ATP8A1: variants seen among roughly 807,000 people sequenced by gnomAD.
ATP8A1 encodes ATPase phospholipid transporting 8A1.
Under a neutral mutation model 177.7 loss-of-function variants are expected in ATP8A1, and 90 were observed. The ratio of observed to expected loss-of-function variants is 0.51; its 90% CI spans 0.43 to 0.60. The LOEUF (loss-of-function observed/expected upper bound fraction) is 0.60. Among genes scored for constraint, ATP8A1 ranks in the 20% least tolerant of loss-of-function variants. The pLI is 0.00. For missense variants in ATP8A1, 1,072 were observed against 1,392.8 expected, an observed-to-expected ratio of 0.77 and a Z score of 3.67; for synonymous variants, 493 against 485.9, an observed-to-expected ratio of 1.01 and a Z score of -0.19.
intron 19 of ATP8A1, among the ~76,000 whole-genome samples, chr4:42,546,581 TAAA>T (rs71200293): frequency 0.012 from 1,713 of 139,256 alleles, 34 homozygotes; most frequent in African/African-American, 0.041. Context: ...TAAAGTATAA[TAAA>T]AAAAAAAAAA....
intron 24 of ATP8A1, among the ~76,000 whole-genome samples, chr4:42,491,172 T>C (rs1221006671): frequency 6.6e-6 from 1 of 152,132 alleles, no homozygotes; most frequent in Non-Finnish European, 1.5e-5. Context: ...ATATTTTAAA[T>C]TGTCTAGTGA....
At chr4:42,437,475 G>C (rs1436425250) in intron 33 of ATP8A1, among the ~76,000 whole-genome samples, 2 of 152,182 alleles carry the variant, frequency 1.3e-5, no homozygotes, top group African/African-American at 2.4e-5. Flanking sequence ...ATATTTGTGA[G>C]AGGAGAGGAA....
intron 5 of ATP8A1, among the ~76,000 whole-genome samples, chr4:42,606,511 GC>G (rs33923852): frequency 0.22 from 34,070 of 152,054 alleles, 4,300 homozygotes; most frequent in Non-Finnish European, 0.29. Flanking sequence ...GAGTAGAGAA[GC>G]TAGTCTTGGG....
chr4:42,609,925 C>T lies in ATP8A1; in HGVS notation c.409+6108G>A, dbSNP rs1195819362. Among the ~76,000 whole-genome samples, 5 of 152,118 alleles carry T rather than the reference C, an allele frequency of 3.3e-5. No homozygotes were observed. The South Asian group carries it at 8.3e-4, about 25-fold the overall frequency. ...AATGACCCTAACTTGCCTCCCTGTCCCTGTCCCTCATTGTTTCATGACATG... is the reference window on the plus strand; with the variant it reads ...AATGACCCTAACTTGCCTCCCTGTCTCTGTCCCTCATTGTTTCATGACATG... On this transcript the variant is annotated intron_variant, in intron 5 of 36. Coordinates refer to ENST00000381668, the MANE Select transcript of ATP8A1 (RefSeq NM_006095.2).
At chr4:42,503,347 T>C in intron 24 of ATP8A1, 103 bp downstream of exon 24, 1 of 675,718 alleles carries the variant, frequency 1.5e-6, no homozygotes. Context: ...TAAGGTACCT[T>C]GAACCACAGA....
intron 25 of ATP8A1, among the ~76,000 whole-genome samples, chr4:42,468,397 TATATTTTATATATAC>T (rs774215374): frequency 1.4e-4 from 21 of 150,926 alleles, no homozygotes; most frequent in African/African-American, 3.2e-4. Context: ...TGTGTGTGTA[TATATTTTATATATAC>T]ATATTTTATA....
intron 24 of ATP8A1, among the ~76,000 whole-genome samples, chr4:42,500,994 T>C (rs1723800206): frequency 6.6e-6 from 1 of 152,192 alleles, no homozygotes; most frequent in African/African-American, 2.4e-5. Context: ...GAAAGGGTTT[T>C]CTATCTGAAA....
At chr4:42,517,594 T>C (rs1242710057) in intron 22 of ATP8A1, among the ~76,000 whole-genome samples, 2 of 152,224 alleles carry the variant, frequency 1.3e-5, no homozygotes, top group Admixed American at 6.5e-5. Context: ...ATTCTAACCA[T>C]GTGAGCTTTC....
At chr4:42,637,034 C>A in intron 1 of ATP8A1, 1 of 473,216 alleles carries the variant, frequency 2.1e-6, no homozygotes, top group South Asian at 1.6e-5. Context: ...TTTCAGTCCT[C>A]TGTTGGAAGC....
chr4:42,619,613 CATAT>C (rs55992429), intron 4 of ATP8A1, among the ~76,000 whole-genome samples: 6 of 148,928 alleles, frequency 4.0e-5, no homozygotes, highest in Admixed American at 6.7e-5. Flanking sequence ...TCTATCTACA[CATAT>C]ATATATATAT....
intron 24 of ATP8A1, among the ~76,000 whole-genome samples, chr4:42,492,780 T>C (rs1722857749): frequency 6.6e-6 from 1 of 152,254 alleles, no homozygotes; most frequent in Non-Finnish European, 1.5e-5. Context: ...AAGCATATGA[T>C]CGGAACTAAC....
At chr4:42,481,865 A>G (rs925707909) in intron 25 of ATP8A1, among the ~76,000 whole-genome samples, 3 of 152,232 alleles carry the variant, frequency 2.0e-5, no homozygotes, top group Non-Finnish European at 2.9e-5. Flanking sequence ...GACTTGTGTG[A>G]GGGAGTAGAG....
intron 14 of ATP8A1, among the ~76,000 whole-genome samples, chr4:42,571,925 T>G (rs560254558): frequency 2.1e-4 from 32 of 152,290 alleles, no homozygotes; most frequent in Admixed American, 9.1e-4. Flanking sequence ...CGGTTTTAAG[T>G]GTTAATTATA....
At chr4:42,445,675 G>C (rs1388783416) in intron 31 of ATP8A1, among the ~76,000 whole-genome samples, 1 of 152,218 alleles carries the variant, frequency 6.6e-6, no homozygotes, top group Non-Finnish European at 1.5e-5. Flanking sequence ...TCAGGTTACA[G>C]TAAGAACAGT....
At chr4:42,440,954 A>C (rs1307109225) in intron 33 of ATP8A1, among the ~76,000 whole-genome samples, 1 of 152,130 alleles carries the variant, frequency 6.6e-6, no homozygotes. Flanking sequence ...AATTGCTGCC[A>C]AATCAACACA....
In ATP8A1 at chr4:42,460,853, T is replaced by C. The variant is rs553614370; in HGVS notation, c.2619+3837A>G. Reference sequence around the variant, plus strand: ...GGTTTTCTTAACAATGGGAAGGCCATTGTCATGATCTGCAGAGCTCCAACA... The same window carrying C: ...GGTTTTCTTAACAATGGGAAGGCCACTGTCATGATCTGCAGAGCTCCAACA... On this transcript the variant is annotated intron_variant, in intron 27 of 36. Transcript: ENST00000381668. Among the ~76,000 whole-genome samples, 7 of 152,308 alleles carry C rather than the reference T, an allele frequency of 4.6e-5. No individual in the cohort carries two copies. The East Asian group carries it at 1.2e-3, about 25-fold the overall frequency.
chr4:42,464,169 T>C (rs1719477584), intron 27 of ATP8A1, among the ~76,000 whole-genome samples: 2 of 152,182 alleles, frequency 1.3e-5, no homozygotes, highest in African/African-American at 4.8e-5. Context: ...ATTAAATACA[T>C]TATTATCTCA....
At chr4:42,622,808 G>A (rs1429983537) in intron 4 of ATP8A1, among the ~76,000 whole-genome samples, 5 of 152,074 alleles carry the variant, frequency 3.3e-5, no homozygotes, top group African/African-American at 1.2e-4. Context: ...TCGGGAGTTC[G>A]AGACCAGCCT....
At chr4:42,525,321 A>G (rs1726567394) in intron 20 of ATP8A1, among the ~76,000 whole-genome samples, 1 of 152,202 alleles carries the variant, frequency 6.6e-6, no homozygotes, top group South Asian at 2.1e-4. Context: ...AAGGGGCTAC[A>G]TGCTATGTGC....
Sources: gnomAD v4.1 joint callset for allele counts (sites outside exome capture counted in the v4.1 genomes callset) on GRCh38, gnomAD v4.1.1 for gene constraint, MANE v1.5 for transcripts, NCBI Gene and HGNC (gene_info 2026-07-23, HGNC 2026-07-21) for gene names.